The following CREBBP variants were observed in gnomAD, a reference collection of about 807,000 sequenced individuals.
The protein encoded by CREBBP is CREB binding lysine acetyltransferase.
A neutral mutation model predicts 265.0 loss-of-function variants in CREBBP; 19 were observed. The observed-to-expected ratio is 0.07, with a 90% CI of 0.05 to 0.11. CREBBP has a LOEUF of 0.11. CREBBP is among the 10% of genes least tolerant of loss of function. The pLI, the probability that CREBBP is intolerant of heterozygous loss-of-function variation, is 1.00. For missense variants in CREBBP, 2,525 were observed against 3,219.0 expected, an observed-to-expected ratio of 0.78 and a Z score of 5.22; for synonymous variants, 1,457 against 1,223.7, an observed-to-expected ratio of 1.19 and a Z score of -3.98.
At chr16:3,741,367 G>A (rs888117405) in intron 23 of CREBBP, 3 of 152,242 alleles carry the variant, frequency 2.0e-5, no homozygotes, top group Admixed American at 2.0e-4. Flanking sequence ...CTACATTAGT[G>A]AGAAATAGGA....
intron 6 of CREBBP, among the ~76,000 whole-genome samples, chr16:3,782,296 T>C (rs1336349763): frequency 6.6e-6 from 1 of 152,014 alleles, no homozygotes; most frequent in African/African-American, 2.4e-5. Context: ...AACTGAGGGG[T>C]AGACCCTAAC....
intron 1 of CREBBP, among the ~76,000 whole-genome samples, chr16:3,856,658 G>A (rs567093524): frequency 6.6e-4 from 100 of 152,258 alleles, no homozygotes; most frequent in South Asian, 1.5e-3. Context: ...CTTAACTGAT[G>A]AGCATGAAAA....
At chr16:3,849,423 GTGTGTGT>G (rs2054746275) in intron 2 of CREBBP, among the ~76,000 whole-genome samples, 14 of 9,852 alleles carry the variant, frequency 1.4e-3, no homozygotes, top group Admixed American at 5.9e-3. Context: ...GTGTGTGTGT[GTGTGTGT>G]GTGTGTGTGT....
At chr16:3,827,394 T>TG (rs1037028630) in intron 2 of CREBBP, among the ~76,000 whole-genome samples, 5 of 152,176 alleles carry the variant, frequency 3.3e-5, no homozygotes. Context: ...CTTTTTATTT[T>TG]ATTGATTGAT....
At chr16:3,834,572 G>T (rs538017063) in intron 2 of CREBBP, among the ~76,000 whole-genome samples, 7 of 152,246 alleles carry the variant, frequency 4.6e-5, no homozygotes, top group Admixed American at 2.0e-4. Context: ...TTAGGGCAGT[G>T]AAAATACTCT....
rs9925975 is a variant in CREBBP at position 3,874,142 on chromosome 16, G to A, written c.85+5690C>T. Among the ~76,000 whole-genome samples the A allele has an allele frequency of 8.5e-3, 1,300 of 152,204 alleles. 27 individuals carry two copies. Among genetic ancestry groups the A allele is most frequent in the African/African-American group, 0.03 (1,228 of 41,508 alleles). On this transcript the variant is annotated intron_variant, in intron 1 of 30. Coordinates refer to ENST00000262367, the MANE Select transcript of CREBBP (RefSeq NM_004380.3). ...CAAAAGAACAAAGAAAAATGCAACCGGTCACCAGGCTTTCTGATAAATTCG... is the reference window on the plus strand; with the variant it reads ...CAAAAGAACAAAGAAAAATGCAACCAGTCACCAGGCTTTCTGATAAATTCG...
At chr16:3,783,024 A>C in intron 5 of CREBBP, 98 bp from the exon 6 acceptor site, 1 of 1,441,948 alleles carries the variant, frequency 6.9e-7, no homozygotes, top group South Asian at 1.2e-5. Flanking sequence ...AATACATTTC[A>C]TCAAAATACT....
At chr16:3,820,681 T>A (rs367807940) in intron 2 of CREBBP, among the ~76,000 whole-genome samples, 2 of 152,148 alleles carry the variant, frequency 1.3e-5, no homozygotes, top group Admixed American at 1.3e-4. Flanking sequence ...CTGGGCAACG[T>A]AGCAAAACCC....
Position 3,770,900 on chromosome 16 carries a change from C to T in CREBBP, c.2550G>A (p.Gln850=), listed in dbSNP as rs562943588. ...GAGGCGGTGTTGGGTGCAGTGGTGA[C>T]TGTGTCACTGGAGGGCAAGGTAGCT... is the stretch of plus-strand genomic sequence containing the variant. ...ASQLPCPPVT[Q]SPLHPTPPPA... Residue 850 remains glutamine (Q), a synonymous_variant, in exon 14 of 31, where the codon CAG becomes CAA. Coordinates refer to ENST00000262367, the MANE Select transcript of CREBBP (RefSeq NM_004380.3). The T allele has an allele frequency of 6.2e-7, 1 of 1,613,808 alleles. No individual in the cohort carries two copies. Among genetic ancestry groups the T allele is most frequent in the East Asian group, 2.2e-5 (1 of 44,864 alleles).
chr16:3,781,235 A>C lies in CREBBP; in HGVS notation c.1645T>G (p.Ser549Ala), dbSNP rs952669243. ...DQQPPNLISE[S>A]ALPTSLGATN... ...GCCCCCAGGGAAGTCGGAAGAGCTGATTCTGAAATCAAGTTTGGGGGCTGC... is the reference window on the plus strand; with the variant it reads ...GCCCCCAGGGAAGTCGGAAGAGCTGCTTCTGAAATCAAGTTTGGGGGCTGC... Residue 549 changes from serine to alanine, a missense_variant, in exon 7 of 31, where the codon TCA becomes GCA. Ser to Ala is a moderately conservative substitution (Grantham distance 99, BLOSUM62 1). Around this residue, in one of 19 missense-constraint regions of CREBBP, gnomAD observed 144 missense variants for 134.0 expected, o/e 1.07. Transcript: ENST00000262367. 7 of 1,613,924 alleles carry C rather than the reference A, an allele frequency of 4.3e-6. No homozygotes were observed. The African/African-American group carries it at 8.0e-5, about 18-fold the overall frequency.
intron 28 of CREBBP, among the ~76,000 whole-genome samples, chr16:3,734,895 G>T (rs2052012227): frequency 6.6e-6 from 1 of 152,192 alleles, no homozygotes; most frequent in African/African-American, 2.4e-5. Flanking sequence ...TATGTCCCCA[G>T]CCGGCTCCCG....
At chr16:3,849,413 GTGTGTGTGTGTGTGTGTGTGTGTGTGTGT>G (rs2054740495) in intron 2 of CREBBP, among the ~76,000 whole-genome samples, 2 of 5,830 alleles carry the variant, frequency 3.4e-4, no homozygotes, top group Non-Finnish European at 6.2e-3. Flanking sequence ...GTGTGTGTGT[GTGTGTGTGTGTGTGTGTGTGTGTGTGTGT>G]GTGTGTGTGT....
chr16:3,749,746 A>T lies in CREBBP; in HGVS notation c.3780-63T>A, dbSNP rs2151368834. ...AATTTATCTGTTGAGTATAAACTAT[A>T]GGGTCTCTGGAATGTTATTTTGTAA... On this transcript the variant is annotated intron_variant, in intron 20 of 30. Transcript: ENST00000262367. The T allele has an allele frequency of 3.7e-6, 4 of 1,081,234 alleles. No homozygotes were observed. In the South Asian group the frequency reaches 5.4e-5, roughly 15 times the overall value. 67.0% of individuals were successfully genotyped at this position (1,081,234 alleles called of 1,614,324 possible).
At chr16:3,764,356 A>G (rs1567293076) in intron 16 of CREBBP, among the ~76,000 whole-genome samples, 1 of 152,124 alleles carries the variant, frequency 6.6e-6, no homozygotes, top group Non-Finnish European at 1.5e-5. Flanking sequence ...GGTTCACTAC[A>G]GCCTCAACCT....
chr16:3,781,711 A>T (rs924323964), intron 6 of CREBBP, among the ~76,000 whole-genome samples: 16 of 152,208 alleles, frequency 1.1e-4, no homozygotes, highest in Non-Finnish European at 2.2e-4. Flanking sequence ...ATAAAATCAT[A>T]GAAATTAAGC....
chr16:3,792,832 G>A (rs144699718), intron 4 of CREBBP, among the ~76,000 whole-genome samples: 9 of 152,362 alleles, frequency 5.9e-5, no homozygotes, highest in African/African-American at 2.2e-4. Flanking sequence ...CAGAGGGCAC[G>A]TGAAGTGCCT....
chr16:3,822,525 G>A (rs73503910), intron 2 of CREBBP, among the ~76,000 whole-genome samples: 2 of 152,290 alleles, frequency 1.3e-5, no homozygotes, highest in African/African-American at 4.8e-5. Flanking sequence ...GTGGGAGCAG[G>A]AAGAACAGCT....
intron 1 of CREBBP, among the ~76,000 whole-genome samples, chr16:3,857,229 C>T (rs982600465): frequency 6.6e-6 from 1 of 151,862 alleles, no homozygotes; most frequent in African/African-American, 2.4e-5. Context: ...TTTCACTGGT[C>T]TGCTACACTC....
chr16:3,777,859 T>C, intron 10 of CREBBP, 152 bp downstream of exon 10: 1 of 1,104,300 alleles, frequency 9.1e-7, no homozygotes, highest in Non-Finnish European at 1.4e-6. Flanking sequence ...CAACACAGCC[T>C]GAGGCAGGTG....
Sources: gnomAD v4.1 joint callset for allele counts (sites outside exome capture counted in the v4.1 genomes callset) on GRCh38, gnomAD v4.1.1 for gene constraint, gnomAD v4.1.1 regional missense constraint, MANE v1.5 for transcripts, NCBI Gene and HGNC (gene_info 2026-07-23, HGNC 2026-07-21) for gene names.